Variants in ZNF91 observed in about 807,000 individuals in gnomAD.
The protein encoded by ZNF91 is zinc finger protein 91, also known as zinc finger protein 91 (HPF7, HTF10).
A neutral mutation model predicts 12.6 loss-of-function variants in ZNF91; 7 were observed. That is an observed-to-expected ratio of 0.55 (90% CI 0.31 to 1.04). The LOEUF is 1.04. Ranked by LOEUF, ZNF91 falls within the 50% of genes least tolerant of loss-of-function variation. ZNF91 has a pLI of 0.05. For synonymous variants in ZNF91, 453 were observed against 462.6 expected (o/e 0.98, Z 0.27); for missense variants, 1,217 against 1,385.4 (o/e 0.88, Z 1.93).
intron 1 of ZNF91, chr19:23,325,172 T>G (rs1967812790): frequency 6.6e-6 from 1 of 151,650 alleles, no homozygotes; most frequent in Non-Finnish European, 1.5e-5. Context: ...GGCAGGATGA[T>G]GAGGAGACTA....
At chr19:23,308,287 T>C (rs939716020) in intron 2 of ZNF91, 3 of 152,220 alleles carry the variant, frequency 2.0e-5, no homozygotes, top group Admixed American at 6.5e-5. Flanking sequence ...ACAGGAAAGA[T>C]TATAACATAT....
At position 23,374,627 on chromosome 19, in the gene ZNF91, G is replaced by A. The variant is rs1568396332; in HGVS notation, c.157+11C>T. On this transcript the variant is annotated intron_variant, in intron 2 of 3. Coordinates refer to ENST00000300619, the MANE Select transcript of ZNF91 (RefSeq NM_003430.4). ...TTTATATTAGAAACTTAGTATTAAA[G>A]TTTTCCTTACCCAGGAAGGCCAGGT... The A allele has an allele frequency of 4.6e-6, 7 of 1,531,116 alleles. No individual in the cohort carries two copies. Among genetic ancestry groups the A allele is most frequent in the Admixed American group, 3.5e-5 (2 of 57,288 alleles). 94.8% of individuals were successfully genotyped at this position (1,531,116 alleles called of 1,614,324 possible).
rs1968869313 is a variant in ZNF91 at position 23,362,870 on chromosome 19, G to GT, written c.254-146dup. ...TACCACAGGCCCTAATTCTATTTTT[G>GT]TTTTTTTGTTTGTTTGTTTTTGAGA... On this transcript the variant is annotated intron_variant, in intron 3 of 3. Coordinates refer to ENST00000300619, the MANE Select transcript of ZNF91 (RefSeq NM_003430.4). 9 of 1,204,980 alleles carry GT rather than the reference G, an allele frequency of 7.5e-6. No homozygotes were observed. The South Asian group carries it at 2.1e-4, about 29-fold the overall frequency. 74.6% of individuals were successfully genotyped at this position (1,204,980 alleles called of 1,614,324 possible).
chr19:23,369,444 C>T (rs1969176852), intron 3 of ZNF91, among the ~76,000 whole-genome samples: 3 of 151,974 alleles, frequency 2.0e-5, no homozygotes, highest in Admixed American at 1.3e-4. Context: ...CGCCTCTGCC[C>T]GGCCGCCCCT....
At chr19:23,344,715 A>G (rs983696754) in intron 3 of ZNF91, among the ~76,000 whole-genome samples, 4 of 152,180 alleles carry the variant, frequency 2.6e-5, no homozygotes, top group African/African-American at 4.8e-5. Flanking sequence ...AACCCCAATA[A>G]GAATGTTTTA....
chr19:23,359,142 C>A lies in ZNF91; in HGVS notation c.*261G>T. On this transcript the variant is annotated 3_prime_UTR_variant, in exon 4 of 4. Transcript: ENST00000300619. ...AGAGTTTTACTCCAGTATGAATTAC[C>A]TTATGTTTAGTAAAGGTTGAAGACC... 1 of 534,012 alleles carries A rather than the reference C, an allele frequency of 1.9e-6. No individual in the cohort carries two copies. Among genetic ancestry groups the A allele is most frequent in the South Asian group, 1.8e-5 (1 of 56,288 alleles). 33.1% of individuals were successfully genotyped at this position (534,012 alleles called of 1,614,324 possible).
chr19:23,317,709 A>G (rs1967596702), intron 1 of ZNF91, among the ~76,000 whole-genome samples: 1 of 152,176 alleles, frequency 6.6e-6, no homozygotes, highest in African/African-American at 2.4e-5. Context: ...TCCAGTCCAC[A>G]GGTAGGCTGG....
chr19:23,376,050 T>C (rs1162646047), intron 1 of ZNF91, among the ~76,000 whole-genome samples: 1 of 152,220 alleles, frequency 6.6e-6, no homozygotes, highest in Non-Finnish European at 1.5e-5. Context: ...TAAGCAGCTA[T>C]ATCCTGATAA....
intron 3 of ZNF91, among the ~76,000 whole-genome samples, chr19:23,368,554 C>CTATA (rs1252006662): frequency 5.6e-4 from 57 of 101,410 alleles, no homozygotes; most frequent in South Asian, 2.9e-3. Context: ...CTCTCTCTCT[C>CTATA]TCTCTCTCTA....
chr19:23,382,895 GACA>G (rs1164239139), intron 1 of ZNF91, among the ~76,000 whole-genome samples: 1 of 152,176 alleles, frequency 6.6e-6, no homozygotes, highest in Non-Finnish European at 1.5e-5. Context: ...CCAAGGACCA[GACA>G]TTCACAGGTG....
At chr19:23,369,355 C>T (rs1418562953) in intron 3 of ZNF91, among the ~76,000 whole-genome samples, 12 of 151,166 alleles carry the variant, frequency 7.9e-5, no homozygotes, top group Admixed American at 6.6e-4. Flanking sequence ...GGGCAGCCCC[C>T]ACCCGGCCAG....
At chr19:23,366,200 C>A (rs975146356) in intron 3 of ZNF91, among the ~76,000 whole-genome samples, 188 of 151,316 alleles carry the variant, frequency 1.2e-3, no homozygotes, top group Non-Finnish European at 1.9e-3. Flanking sequence ...CGGGGGCTGA[C>A]CCCCCCACCT....
At chr19:23,333,383 C>A (rs900319558) in intron 1 of ZNF91, among the ~76,000 whole-genome samples, 12 of 152,148 alleles carry the variant, frequency 7.9e-5, no homozygotes, top group Admixed American at 6.5e-4. Flanking sequence ...CAAGTAAAGG[C>A]AACAATTGAA....
In ZNF91 at chr19:23,360,357, T is replaced by A; in HGVS notation, c.2622A>T (p.Ile874=). ...NQSSNLTTHK[I]IHTKEKPSKS... is the part of the protein sequence containing the mutation. ...TGGAAGGTTTCTCTTTAGTATGAAT[T>A]ATCTTATGTGTCGTAAGATTTGAAG... Residue 874 remains isoleucine, a synonymous_variant, in exon 4 of 4, where the codon ATA becomes ATT. Transcript: ENST00000300619. The A allele has an allele frequency of 1.2e-6, 2 of 1,614,014 alleles. No homozygotes were observed. Among genetic ancestry groups the A allele is most frequent in the Non-Finnish European group, 1.7e-6 (2 of 1,179,994 alleles).
chr19:23,373,329 T>C lies in ZNF91; in HGVS notation c.253+413A>G, dbSNP rs1044841286. ...AGACCAGTAAGTAAAATGTTGCTTTTTGTAGATCATGTAATCTTATATATA... is the reference window on the plus strand; with the variant it reads ...AGACCAGTAAGTAAAATGTTGCTTTCTGTAGATCATGTAATCTTATATATA... On this transcript the variant is annotated intron_variant, in intron 3 of 3. Transcript: ENST00000300619. Among the ~76,000 whole-genome samples, 3 of 141,596 alleles carry C rather than the reference T, an allele frequency of 2.1e-5. No individual in the cohort carries two copies. The Admixed American group carries it at 2.2e-4, about 10-fold the overall frequency. The allele number at this position is 141,596 out of a possible 152,430, so 92.9% of individuals were successfully genotyped here. A position where few individuals can be genotyped will look rare whatever the true frequency, so the allele number is the denominator to read the frequency against.
intron 1 of ZNF91, chr19:23,380,841 G>C (rs1245853532): frequency 6.6e-6 from 1 of 151,778 alleles, no homozygotes; most frequent in African/African-American, 2.4e-5. Flanking sequence ...AATCTATATA[G>C]AAATATATCT....
chr19:23,311,901 CAAAA>C (rs78028804), upstream of ZNF91, among the ~76,000 whole-genome samples: 2 of 91,790 alleles, frequency 2.2e-5, no homozygotes, highest in African/African-American at 6.9e-5. Context: ...TAGGCCATGC[CAAAA>C]AAAAAAAAAA....
chr19:23,355,191 T>C (rs1373777626), downstream of ZNF91, among the ~76,000 whole-genome samples: 1 of 152,118 alleles, frequency 6.6e-6, no homozygotes, highest in East Asian at 1.9e-4. Flanking sequence ...GGAGGCACCA[T>C]ACTACCTGAT....
intron 1 of ZNF91, among the ~76,000 whole-genome samples, chr19:23,376,195 T>G (rs1486515512): frequency 6.6e-6 from 1 of 152,118 alleles, no homozygotes; most frequent in Non-Finnish European, 1.5e-5. Context: ...GAATCCCAGG[T>G]TTTCTCCATA....
Sources: gnomAD v4.1 joint callset for allele counts (sites outside exome capture counted in the v4.1 genomes callset) on GRCh38, gnomAD v4.1.1 for gene constraint, MANE v1.5 for transcripts, NCBI Gene and HGNC (gene_info 2026-07-23, HGNC 2026-07-21) for gene names.